HPN: variants seen among roughly 807,000 people sequenced by gnomAD.
The protein encoded by HPN is serine protease hepsin.
A neutral mutation model predicts 55.9 loss-of-function variants in HPN; 13 were observed. That is an observed-to-expected ratio of 0.23 (90% CI 0.15 to 0.37). The LOEUF is 0.37. HPN is among the 10% of genes least tolerant of loss of function. The pLI, the probability that HPN is intolerant of heterozygous loss-of-function variation, is 1.00. For missense variants in HPN, 451 were observed against 575.8 expected (o/e 0.78, Z 2.22); for synonymous variants, 225 against 240.3 (o/e 0.94, Z 0.59).
rs897199302 is a variant in HPN, at chr19:35,065,155, C to T, written c.812-95C>T. On this transcript the variant is annotated intron_variant, in intron 9 of 12. Coordinates refer to ENST00000672452, the MANE Select transcript of HPN (RefSeq NM_001384133.1). ...TTTTTTTTTTAAAGAACAGAGAGGG[C>T]AGGGTGTGTTAGGGGCCATGGTAGC... is the stretch of plus-strand genomic sequence containing the variant. 1.8e-5 allele frequency: 14 copies of T among 764,886 alleles called. No homozygotes were observed. The African/African-American group carries it at 2.4e-4, about 13-fold the overall frequency. 47.4% of individuals were successfully genotyped at this position (764,886 alleles called of 1,614,324 possible).
intron 9 of HPN, among the ~76,000 whole-genome samples, chr19:35,061,109 A>G (rs2064526565): frequency 6.6e-6 from 1 of 152,236 alleles, no homozygotes; most frequent in Non-Finnish European, 1.5e-5. Context: ...GTCTGCACCA[A>G]AACTCGTACA....
Position 35,041,742 on chromosome 19 carries a change from A to G in HPN, c.-185A>G. On this transcript the variant is annotated 5_prime_UTR_variant, in exon 1 of 13. Coordinates refer to ENST00000672452, the MANE Select transcript of HPN (RefSeq NM_001384133.1). ...CTCAGGTGAGGCAGCCTGGCCTAGC[A>G]GGCCCCACGCCACCGCCTCTGCCTC... 8.1e-7 allele frequency: 1 copy of G among 1,228,040 alleles called. No homozygotes were observed. The highest frequency in any genetic ancestry group is 2.7e-5 in the Admixed American group (1 of 37,208). 76.1% of individuals were successfully genotyped at this position (1,228,040 alleles called of 1,614,324 possible). A position where few individuals can be genotyped will look rare whatever the true frequency, so the allele number is the denominator to read the frequency against.
intron 1 of HPN, chr19:35,042,241 C>G: frequency 7.5e-7 from 1 of 1,330,936 alleles, no homozygotes. Flanking sequence ...GCATGGGGGT[C>G]CCCATCCCTG....
At chr19:35,046,589 G>C (rs1236660411) in intron 2 of HPN, among the ~76,000 whole-genome samples, 2 of 152,108 alleles carry the variant, frequency 1.3e-5, no homozygotes, top group Admixed American at 1.3e-4. Flanking sequence ...GCCACACCAG[G>C]AAGGTCCTAG....
At chr19:35,045,042 G>C (rs1174279454) in intron 2 of HPN, among the ~76,000 whole-genome samples, 1 of 152,078 alleles carries the variant, frequency 6.6e-6, no homozygotes, top group African/African-American at 2.4e-5. Context: ...AATATACTTG[G>C]GGAGACATTG....
At chr19:35,053,421 C>T in intron 4 of HPN, among the ~76,000 whole-genome samples, 1 of 152,140 alleles carries the variant, frequency 6.6e-6, no homozygotes, top group Non-Finnish European at 1.5e-5. Context: ...AGGTGCCAGG[C>T]ATTCCCTGCC....
At chr19:35,051,477 C>A (rs2064404883) in intron 4 of HPN, among the ~76,000 whole-genome samples, 1 of 152,160 alleles carries the variant, frequency 6.6e-6, no homozygotes, top group Non-Finnish European at 1.5e-5. Flanking sequence ...AACTCCTGAG[C>A]TCAAAGCAGT....
intron 9 of HPN, among the ~76,000 whole-genome samples, chr19:35,063,714 G>C (rs1367723738): frequency 3.3e-5 from 5 of 152,186 alleles, no homozygotes; most frequent in African/African-American, 1.2e-4. Context: ...TAATATTGAA[G>C]TAAGGACGCA....
chr19:35,048,195 C>G (rs911839222), intron 2 of HPN, among the ~76,000 whole-genome samples: 2 of 152,134 alleles, frequency 1.3e-5, no homozygotes, highest in African/African-American at 4.8e-5. Flanking sequence ...AGAGAACTTG[C>G]TATGTGCCAG....
chr19:35,041,708 C>A, upstream of HPN: 6 of 1,161,008 alleles, frequency 5.2e-6, no homozygotes, highest in Non-Finnish European at 6.5e-6. Flanking sequence ...CTCGCCCAGC[C>A]CCCTCCTCCT....
chr19:35,047,316 C>G (rs184338970), intron 2 of HPN, among the ~76,000 whole-genome samples: 1 of 152,348 alleles, frequency 6.6e-6, no homozygotes, highest in Non-Finnish European at 1.5e-5. Context: ...TGCCTCAAGG[C>G]CTTTGCCTGT....
intron 2 of HPN, among the ~76,000 whole-genome samples, chr19:35,042,745 C>T (rs529999791): frequency 3.9e-5 from 6 of 152,164 alleles, no homozygotes; most frequent in South Asian, 2.1e-4. Flanking sequence ...ACCTTCCTGG[C>T]GTGCTGCCTC....
chr19:35,066,397 C>G lies in HPN; in HGVS notation c.*110C>G. 4.9e-6 allele frequency: 7 copies of G among 1,420,344 alleles called. No individual in the cohort carries two copies. The highest frequency in any genetic ancestry group is 6.7e-6 in the Non-Finnish European group (7 of 1,046,640). The allele number at this position is 1,420,344 out of a possible 1,614,324, so 88.0% of individuals were successfully genotyped here. ...TCTTCTTGGGCCCGGTCCACAGGTC[C>G]AAGGACACCCTCCCTCCAGGGTCCT... is the stretch of plus-strand genomic sequence containing the variant. On this transcript the variant is annotated 3_prime_UTR_variant, in exon 13 of 13. Coordinates refer to ENST00000672452, the MANE Select transcript of HPN (RefSeq NM_001384133.1).
Position 35,066,571 on chromosome 19 carries a change from T to G in HPN, c.*284T>G. ...TTTAAATAATAAAGATGGTTTTGAT[T>G]AATGTGGCCTCCGAGCTTACAAATG... On this transcript the variant is annotated 3_prime_UTR_variant, in exon 13 of 13. Coordinates refer to ENST00000672452, the MANE Select transcript of HPN (RefSeq NM_001384133.1). 2.1e-6 allele frequency: 1 copy of G among 483,532 alleles called. No homozygotes were observed. 30.0% of individuals were successfully genotyped at this position (483,532 alleles called of 1,614,324 possible). A position where few individuals can be genotyped will look rare whatever the true frequency, so the allele number is the denominator to read the frequency against.
chr19:35,066,097 G>A, intron 12 of HPN, 65 bp downstream of exon 12: 1 of 1,611,072 alleles, frequency 6.2e-7, no homozygotes, highest in Non-Finnish European at 8.5e-7. Context: ...GGGAAGGGAG[G>A]CAGAGATTTG....
intron 2 of HPN, 84 bp downstream of exon 2, chr19:35,042,606 G>A (rs1165165115): frequency 1.7e-6 from 2 of 1,186,986 alleles, no homozygotes; most frequent in Non-Finnish European, 1.2e-6. Flanking sequence ...CTACTCTTCG[G>A]AGCCCCCTCT....
chr19:35,060,459 G>C lies in HPN; in HGVS notation c.567G>C (p.Gly189=). The change falls in exon 8 of 13, where the codon GGG becomes GGC. Residue 189 remains glycine, a synonymous_variant. Transcript: ENST00000672452. ...SLRYDGAHLC[G]GSLLSGDWVL... ...GCTATGATGGAGCACACCTCTGTGG[G>C]GGATCCCTGCTCTCCGGGGACTGGG... 1 of 1,613,402 alleles carries C rather than the reference G, an allele frequency of 6.2e-7. No individual in the cohort carries two copies. The highest frequency in any genetic ancestry group is 8.5e-7 in the Non-Finnish European group (1 of 1,179,988).
At chr19:35,060,838 A>G in intron 9 of HPN, 21 bp downstream of exon 9, 1 of 1,542,464 alleles carries the variant, frequency 6.5e-7, no homozygotes, top group Non-Finnish European at 8.7e-7. Context: ...GGGCTGAGCC[A>G]TGGGGCTTGA....
Position 35,060,349 on chromosome 19 carries a change from T to C in HPN, c.457T>C (p.Cys153Arg). ...CCCTGCTGACCCTTGTCCCACAGAC[T>C]GTGGCCGCAGGAAGCTGCCCGTGGA... ...GRFLAAICQD[C>R]GRRKLPVDRI... The change falls in exon 8 of 13, where the codon TGT (cysteine) becomes CGT (arginine). Residue 153 changes from cysteine to arginine, a missense_variant and splice_region_variant. By Grantham distance (180) the Cys-to-Arg change is radical. Around this residue, in one of 2 missense-constraint regions of HPN, gnomAD observed 378 missense variants for 445.5 expected, o/e 0.85. Transcript: ENST00000672452. 1 of 1,611,316 alleles carries C rather than the reference T, an allele frequency of 6.2e-7. No homozygotes were observed. The highest frequency in any genetic ancestry group is 8.5e-7 in the Non-Finnish European group (1 of 1,179,830).
Sources: gnomAD v4.1 joint callset for allele counts (sites outside exome capture counted in the v4.1 genomes callset) on GRCh38, gnomAD v4.1.1 for gene constraint, gnomAD v4.1.1 regional missense constraint, MANE v1.5 for transcripts, NCBI Gene and HGNC (gene_info 2026-07-23, HGNC 2026-07-21) for gene names.